C4BPA: variants seen among roughly 807,000 people sequenced by gnomAD.
C4BPA encodes complement component 4 binding protein alpha.
A neutral mutation model predicts 63.7 loss-of-function variants in C4BPA; 31 were observed. That is an observed-to-expected ratio of 0.49 (90% confidence interval 0.37 to 0.66). The LOEUF is 0.66. C4BPA is among the 30% of genes least tolerant of loss of function. The pLI, the probability that C4BPA is intolerant of heterozygous loss-of-function variation, is 0.00. For missense variants in C4BPA, 572 were observed against 723.3 expected (o/e 0.79, Z 2.40); for synonymous variants, 259 against 254.7 (o/e 1.02, Z -0.16).
rs374206207 is a variant in C4BPA at position 207,133,572 on chromosome 1, G to A, written c.1085-832G>A. ...GAGGCCAGGAGTTTGAGATCAGCCT[G>A]GGTAACATAGTGAGACCCCTTGTCT... On this transcript the variant is annotated intron_variant, in intron 8 of 11. Transcript: ENST00000367070. 3.3e-5 allele frequency among the ~76,000 whole-genome samples: 5 copies of A among 152,290 alleles called. No homozygotes were observed. The East Asian group carries it at 5.8e-4, about 18-fold the overall frequency.
intron 4 of C4BPA, among the ~76,000 whole-genome samples, chr1:207,123,273 C>T (rs1464863868): frequency 1.3e-5 from 2 of 152,158 alleles, no homozygotes; most frequent in Non-Finnish European, 2.9e-5. Context: ...ATTCCACAGG[C>T]TCTTAGATTG....
Position 207,126,856 on chromosome 1 carries a change from G to A in C4BPA, c.850G>A (p.Asp284Asn). The change falls in exon 7 of 12, where the codon GAT becomes AAT. Residue 284 changes from aspartate (D) to asparagine (N), a missense_variant. Asp to Asn is a conservative substitution (Grantham distance 23). Coordinates refer to ENST00000367070, the MANE Select transcript of C4BPA (RefSeq NM_000715.4). ...RGSSVIHCDA[D>N]SKWNPSPPAC... Reference sequence around the variant, plus strand: ...CAGCAGTGTAATTCATTGTGATGCTGATAGCAAATGGAATCCTTCTCCTCC... The same window carrying A: ...CAGCAGTGTAATTCATTGTGATGCTAATAGCAAATGGAATCCTTCTCCTCC... The A allele has an allele frequency of 6.2e-7, 1 of 1,613,060 alleles. No homozygotes were observed. The highest frequency in any genetic ancestry group is 8.5e-7 in the Non-Finnish European group (1 of 1,179,486).
rs759640687 is a variant in C4BPA at position 207,124,242 on chromosome 1, A to G, written c.582A>G (p.Ala194=). ...GRHSGEENFY[A]YGFSVTYSCD... is the part of the protein sequence containing the mutation. ...ACAGCGGTGAAGAAAATTTCTACGC[A>G]TACGGCTTTTCTGTCACCTACAGCT... is the stretch of plus-strand genomic sequence containing the variant. Residue 194 remains alanine (A), a synonymous_variant, in exon 6 of 12, where the codon GCA becomes GCG. Transcript: ENST00000367070. 9 of 1,613,982 alleles carry G rather than the reference A, an allele frequency of 5.6e-6. 1 individual carries two copies. In the South Asian group the frequency reaches 8.8e-5, roughly 16 times the overall value.
intron 7 of C4BPA, among the ~76,000 whole-genome samples, chr1:207,129,577 G>A (rs983982074): frequency 7.2e-5 from 11 of 152,034 alleles, no homozygotes; most frequent in Non-Finnish European, 1.6e-4. Flanking sequence ...AAAGCAGCAA[G>A]AGAAGAGCAA....
Position 207,114,302 on chromosome 1 carries a change from AT to A in C4BPA, c.328+24del. 7 of 1,564,828 alleles carry A rather than the reference AT, an allele frequency of 4.5e-6. No homozygotes were observed. The highest frequency in any genetic ancestry group is 2.4e-5 in the South Asian group (2 of 83,748). ...TCTGTATCTGTAAGTATCAACATTT[AT>A]TTTTTTCCTTTGCTTTTCCTATCTT... On this transcript the variant is annotated intron_variant, in intron 3 of 11. Transcript: ENST00000367070.
chr1:207,133,204 T>C (rs910325213), intron 8 of C4BPA, among the ~76,000 whole-genome samples: 1 of 152,246 alleles, frequency 6.6e-6, no homozygotes, highest in African/African-American at 2.4e-5. Context: ...AAGCATTTCA[T>C]AAATATTATT....
At chr1:207,112,480 A>G (rs1337120564) in intron 1 of C4BPA, among the ~76,000 whole-genome samples, 1 of 150,360 alleles carries the variant, frequency 6.7e-6, no homozygotes, top group Non-Finnish European at 1.5e-5. Context: ...CCTTTAATTT[A>G]TCTTGTGCAT....
chr1:207,118,169 A>G (rs5023836), intron 4 of C4BPA, among the ~76,000 whole-genome samples: 1,433 of 60,128 alleles, frequency 0.024, 12 homozygotes, highest in Middle Eastern at 0.062. Flanking sequence ...CTGTCTGTCT[A>G]TCTATCTATA....
intron 7 of C4BPA, 87 bp downstream of exon 7, chr1:207,126,982 C>T: frequency 1.1e-6 from 1 of 885,874 alleles, no homozygotes; most frequent in Non-Finnish European, 1.7e-6. Context: ...ATGCATAGGC[C>T]TACTATGAAT....
chr1:207,142,752 A>T (rs933206550), intron 10 of C4BPA, among the ~76,000 whole-genome samples: 4 of 152,222 alleles, frequency 2.6e-5, no homozygotes, highest in African/African-American at 9.6e-5. Context: ...ATCTTGCAGC[A>T]ATCAAAACTG....
chr1:207,114,596 T>G (rs1188033441), intron 3 of C4BPA: 1 of 235,898 alleles, frequency 4.2e-6, no homozygotes, highest in Non-Finnish European at 8.0e-6. Flanking sequence ...TGGTTTCAAG[T>G]GACTCTCCTG....
chr1:207,128,240 G>A (rs1027301531), intron 7 of C4BPA, among the ~76,000 whole-genome samples: 8 of 152,158 alleles, frequency 5.3e-5, no homozygotes, highest in Non-Finnish European at 8.8e-5. Context: ...CCAGCTCTGC[G>A]CTGTGGAATA....
At chr1:207,113,218 T>A in intron 2 of C4BPA, 51 bp downstream of exon 2, 2 of 1,582,322 alleles carry the variant, frequency 1.3e-6, no homozygotes, top group Non-Finnish European at 1.7e-6. Flanking sequence ...GAAGATCATC[T>A]GTGCATTCAC....
chr1:207,123,827 T>A, intron 4 of C4BPA, 95 bp from the exon 5 acceptor site: 1 of 710,926 alleles, frequency 1.4e-6, no homozygotes, highest in Non-Finnish European at 2.4e-6. Context: ...ATTTCCTTAT[T>A]TTAATATTGA....
At chr1:207,110,938 C>A (rs1684654950) in intron 1 of C4BPA, among the ~76,000 whole-genome samples, 1 of 152,124 alleles carries the variant, frequency 6.6e-6, no homozygotes. Flanking sequence ...ATTTTGCCAC[C>A]CCACTGGTGT....
intron 8 of C4BPA, among the ~76,000 whole-genome samples, chr1:207,133,691 A>G (rs546727259): frequency 1.3e-5 from 2 of 152,276 alleles, no homozygotes; most frequent in Admixed American, 1.3e-4. Context: ...TGAGCCCAGG[A>G]GTTTGAGACT....
Position 207,124,371 on chromosome 1 carries a change from G to A in C4BPA, c.706+5G>A. On this transcript the variant is annotated splice_donor_5th_base_variant and intron_variant, in intron 6 of 11. Coordinates refer to ENST00000367070, the MANE Select transcript of C4BPA (RefSeq NM_000715.4). ...CAAGCCCTCCTACCTGTGAAAGTAAGTCATAATGATGAATTCTGCATCAAA... is the reference window on the plus strand; with the variant it reads ...CAAGCCCTCCTACCTGTGAAAGTAAATCATAATGATGAATTCTGCATCAAA... The A allele has an allele frequency of 6.3e-7, 1 of 1,593,894 alleles. No homozygotes were observed. The highest frequency in any genetic ancestry group is 8.6e-7 in the Non-Finnish European group (1 of 1,163,486).
chr1:207,112,501 A>C (rs1684691067), intron 1 of C4BPA, among the ~76,000 whole-genome samples: 1 of 152,046 alleles, frequency 6.6e-6, no homozygotes, highest in Admixed American at 6.6e-5. Context: ...GTCTGCCATA[A>C]TGATCTTAAA....
At chr1:207,118,314 A>G (rs1174613421) in intron 4 of C4BPA, among the ~76,000 whole-genome samples, 1 of 152,080 alleles carries the variant, frequency 6.6e-6, no homozygotes, top group Non-Finnish European at 1.5e-5. Context: ...TTTATTATGC[A>G]TTAGTTCATT....
Sources: allele counts gnomAD v4.1 joint callset (sites outside exome capture counted in the v4.1 genomes callset), GRCh38; gene constraint gnomAD v4.1.1; transcripts MANE v1.5; gene names NCBI Gene and HGNC (gene_info 2026-07-23, HGNC 2026-07-21).